Variants in VWA8 observed in about 807,000 individuals in gnomAD.
VWA8 encodes von Willebrand factor A domain containing 8.
In VWA8, 221 loss-of-function variants were observed where a neutral mutation model predicts 241.5. The observed-to-expected ratio is 0.91, with a 90% CI of 0.82 to 1.02. The LOEUF is 1.02. VWA8 is among the 50% of genes least tolerant of loss of function. VWA8 has a pLI of 0.00. For synonymous variants in VWA8, 852 were observed against 827.1 expected (o/e 1.03, Z -0.52); for missense variants, 2,322 against 2,328.7 (o/e 1.00, Z 0.06).
At chr13:41,571,549 C>T (rs1413521631) in intron 43 of VWA8, among the ~76,000 whole-genome samples, 3 of 152,174 alleles carry the variant, frequency 2.0e-5, no homozygotes, top group Non-Finnish European at 2.9e-5. Flanking sequence ...GGGGTTTCGC[C>T]GTGTTGGCCG....
At chr13:41,942,719 G>A (rs2138154145) in intron 2 of VWA8, among the ~76,000 whole-genome samples, 1 of 152,290 alleles carries the variant, frequency 6.6e-6, no homozygotes, top group Admixed American at 6.5e-5. Flanking sequence ...CCTTTCCCTA[G>A]TGCAAGGCAA....
chr13:41,817,716 C>A (rs1870759926), intron 15 of VWA8, among the ~76,000 whole-genome samples: 1 of 152,128 alleles, frequency 6.6e-6, no homozygotes, highest in South Asian at 2.1e-4. Context: ...CATTGAGAGC[C>A]AAGTCATTAA....
chr13:41,752,146 T>C (rs1274911914), intron 21 of VWA8, among the ~76,000 whole-genome samples: 1 of 152,286 alleles, frequency 6.6e-6, no homozygotes, highest in East Asian at 1.9e-4. Context: ...ATATGTTTGC[T>C]CAGCACCAAC....
chr13:41,573,081 C>G (rs1351671774), intron 43 of VWA8, among the ~76,000 whole-genome samples: 1 of 145,088 alleles, frequency 6.9e-6, no homozygotes, highest in East Asian at 2.1e-4. Flanking sequence ...TGCACTCCAG[C>G]CTGGGCGACA....
chr13:41,649,196 A>G (rs920914607), intron 37 of VWA8, among the ~76,000 whole-genome samples: 3 of 152,148 alleles, frequency 2.0e-5, no homozygotes, highest in Non-Finnish European at 4.4e-5. Flanking sequence ...AACAATAACA[A>G]CAACAAAAAC....
intron 21 of VWA8, among the ~76,000 whole-genome samples, chr13:41,751,116 T>C (rs936367067): frequency 6.6e-6 from 1 of 151,550 alleles, no homozygotes; most frequent in Non-Finnish European, 1.5e-5. Context: ...TGGCACACAG[T>C]AGCTGCTATG....
At chr13:41,785,609 G>C (rs1318045157) in intron 18 of VWA8, among the ~76,000 whole-genome samples, 2 of 152,128 alleles carry the variant, frequency 1.3e-5, no homozygotes, top group Non-Finnish European at 2.9e-5. Flanking sequence ...TTGTCATCCT[G>C]TTTAATCACT....
chr13:41,688,950 T>C (rs1298762506), intron 34 of VWA8, among the ~76,000 whole-genome samples: 5 of 151,980 alleles, frequency 3.3e-5, no homozygotes, highest in Non-Finnish European at 7.4e-5. Flanking sequence ...ATAACAAACC[T>C]GCACACGTAC....
chr13:41,826,907 T>C (rs985500545), intron 14 of VWA8, among the ~76,000 whole-genome samples: 3 of 151,846 alleles, frequency 2.0e-5, no homozygotes, highest in African/African-American at 7.3e-5. Context: ...AAGAAATTGA[T>C]AGAAGATGGA....
chr13:41,926,721 AGGCC>A, intron 2 of VWA8: 1 of 536,842 alleles, frequency 1.9e-6, no homozygotes, highest in Admixed American at 1.9e-5. Flanking sequence ...CCATAGGGCC[AGGCC>A]TATGATACTG....
rs371272866 is a variant in VWA8, at chr13:41,729,609, C to T, written c.2571G>A (p.Thr857=). 1.6e-5 allele frequency: 26 copies of T among 1,613,072 alleles called. No individual in the cohort carries two copies. Among genetic ancestry groups the T allele is most frequent in the Admixed American group, 1.0e-4 (6 of 59,912 alleles). Residue 857 remains threonine (T), a synonymous_variant, in exon 23 of 45, where the codon ACG becomes ACA. Coordinates refer to ENST00000379310, the MANE Select transcript of VWA8 (RefSeq NM_015058.2). ...DEADKAPTNV[T]CILKTLVENG... is the part of the protein sequence containing the mutation. ...TTTCTACTAGAGTTTTTAAAATACA[C>T]GTGACATTTGTTGGAGCTTTGTCAG...
intron 14 of VWA8, among the ~76,000 whole-genome samples, chr13:41,829,714 T>C (rs1593799884): frequency 2.0e-5 from 3 of 152,130 alleles, no homozygotes; most frequent in African/African-American, 7.2e-5. Context: ...TGTCATCACT[T>C]ACAAGTGGGA....
intron 1 of VWA8, among the ~76,000 whole-genome samples, chr13:41,957,941 G>C (rs1878423098): frequency 6.6e-6 from 1 of 152,108 alleles, no homozygotes; most frequent in South Asian, 2.1e-4. Context: ...TTTAACATCA[G>C]AGTCCCACTG....
intron 26 of VWA8, among the ~76,000 whole-genome samples, chr13:41,711,669 T>G (rs555998497): frequency 1.3e-5 from 2 of 152,188 alleles, no homozygotes; most frequent in Non-Finnish European, 2.9e-5. Flanking sequence ...GGTCAGGAGA[T>G]CGAGACCATC....
intron 12 of VWA8, among the ~76,000 whole-genome samples, chr13:41,856,702 T>C (rs1042776977): frequency 1.3e-5 from 2 of 152,088 alleles, no homozygotes; most frequent in Non-Finnish European, 2.9e-5. Context: ...TGTGCACCTG[T>C]AGTCCCAGCT....
In VWA8 at chr13:41,867,673, G is replaced by A. The variant is rs139374124; in HGVS notation, c.1212+673C>T. On this transcript the variant is annotated intron_variant, in intron 10 of 44. Transcript: ENST00000379310. ...AATCAATATTCAGTTCAATGAATAA[G>A]TACAGTAACATGAATTAATATTAAT... 4.5e-3 allele frequency among the ~76,000 whole-genome samples: 684 copies of A among 152,226 alleles called. 4 individuals are homozygous for A. Among genetic ancestry groups the A allele is most frequent in the African/African-American group, 0.015 (624 of 41,536 alleles).
chr13:41,852,637 C>T (rs920710207), intron 12 of VWA8, among the ~76,000 whole-genome samples: 10 of 151,916 alleles, frequency 6.6e-5, no homozygotes, highest in Admixed American at 2.0e-4. Context: ...TTTTTGTATA[C>T]GGTATGAGAT....
At chr13:41,763,605 C>T (rs1175154913) in intron 20 of VWA8, among the ~76,000 whole-genome samples, 1 of 151,992 alleles carries the variant, frequency 6.6e-6, no homozygotes, top group Non-Finnish European at 1.5e-5. Context: ...TGGCATGTGA[C>T]CATAAATATA....
intron 19 of VWA8, among the ~76,000 whole-genome samples, chr13:41,779,882 C>T (rs971350164): frequency 6.6e-6 from 1 of 152,142 alleles, no homozygotes; most frequent in South Asian, 2.1e-4. Context: ...CTAGATTATT[C>T]AAGTCAACAA....
Sources: allele counts gnomAD v4.1 joint callset (sites outside exome capture counted in the v4.1 genomes callset), GRCh38; gene constraint gnomAD v4.1.1; transcripts MANE v1.5; gene names NCBI Gene and HGNC (gene_info 2026-07-23, HGNC 2026-07-21).